RGPD2: variants seen among roughly 807,000 people sequenced by gnomAD.
RGPD2 encodes RANBP2-like and GRIP domain-containing protein 2.
A neutral mutation model predicts 36.0 loss-of-function variants in RGPD2; 2 were observed. That is an observed-to-expected ratio of 0.06 (90% CI 0.02 to 0.17). The LOEUF is 0.17. RGPD2 is among the 10% of genes least tolerant of loss of function. The pLI is 1.00. For missense variants in RGPD2, 40 were observed against 464.3 expected, an observed-to-expected ratio of 0.09 and a Z score of 8.40; for synonymous variants, 19 against 163.8, an observed-to-expected ratio of 0.12 and a Z score of 6.75.
At chr2:87,813,065 A>G (rs1290672579) in intron 4 of RGPD2, among the ~76,000 whole-genome samples, 1 of 152,102 alleles carries the variant, frequency 6.6e-6, no homozygotes, top group African/African-American at 2.4e-5. Flanking sequence ...TTTCAGAAAT[A>G]TACTTCTCCA....
chr2:87,955,478 C>A, the RGPD2 span, among the ~76,000 whole-genome samples: 2 of 33,354 alleles, frequency 6.0e-5, no homozygotes, highest in South Asian at 3.5e-3. Flanking sequence ...TTCTTTTGTA[C>A]GTAACTGACT....
chr2:87,866,379 T>C, the RGPD2 span, among the ~76,000 whole-genome samples: 1 of 152,184 alleles, frequency 6.6e-6, no homozygotes, highest in African/African-American at 2.4e-5. Flanking sequence ...CAGTAACAAA[T>C]TTCCTGATTA....
chr2:87,937,213 C>T, the RGPD2 span, among the ~76,000 whole-genome samples: 1 of 151,656 alleles, frequency 6.6e-6, no homozygotes, highest in East Asian at 1.9e-4. Context: ...AGAGTCAGGT[C>T]AAATGAGACA....
the RGPD2 span, among the ~76,000 whole-genome samples, chr2:87,856,763 T>C: frequency 6.6e-6 from 1 of 152,192 alleles, no homozygotes; most frequent in Non-Finnish European, 1.5e-5. Flanking sequence ...AAATACCAGA[T>C]AGCTATGTAT....
At chr2:87,826,381 T>TG (rs1462309748), upstream of RGPD2, among the ~76,000 whole-genome samples, 24 of 109,504 alleles carry the variant, frequency 2.2e-4, no homozygotes, top group East Asian at 5.3e-3. Flanking sequence ...ATAGCTTCAA[T>TG]GGGAATGATG....
At chr2:87,864,381 C>T in the RGPD2 span, among the ~76,000 whole-genome samples, 1 of 152,388 alleles carries the variant, frequency 6.6e-6, no homozygotes, top group African/African-American at 2.4e-5. Context: ...CCTCTGGTCA[C>T]TGGGCCTTCA....
chr2:87,825,420 GCCGCCGCCGCCGCCGCCGCCGCCCGGCC>G (rs1686684049), intron 1 of RGPD2, among the ~76,000 whole-genome samples: 2 of 102,126 alleles, frequency 2.0e-5, no homozygotes, highest in Non-Finnish European at 4.2e-5. Context: ...GGCCGAGGCC[GCCGCCGCCGCCGCCGCCGCCGCCCGGCC>G]AGGCCGAGGC....
the RGPD2 span, among the ~76,000 whole-genome samples, chr2:87,936,334 A>T: frequency 1.5e-4 from 23 of 151,142 alleles, no homozygotes; most frequent in Admixed American, 2.6e-4. Flanking sequence ...TTCTAATGGT[A>T]TTAAAAACTT....
At chr2:87,837,094 C>G in the RGPD2 span, among the ~76,000 whole-genome samples, 7 of 151,956 alleles carry the variant, frequency 4.6e-5, no homozygotes, top group African/African-American at 1.7e-4. Context: ...TTCTTAGAGA[C>G]ACACAAATAG....
intron 4 of RGPD2, among the ~76,000 whole-genome samples, chr2:87,813,072 T>A (rs1387425823): frequency 6.6e-6 from 1 of 152,136 alleles, no homozygotes; most frequent in South Asian, 2.1e-4. Flanking sequence ...AATATACTTC[T>A]CCACCACATG....
At chr2:87,825,448 C>CG (rs1553430567) in intron 1 of RGPD2, among the ~76,000 whole-genome samples, 6 of 109,188 alleles carry the variant, frequency 5.5e-5, no homozygotes, top group South Asian at 5.4e-4. Context: ...GCCGCCCGGC[C>CG]AGGCCGAGGC....
chr2:87,875,957 G>A, the RGPD2 span, among the ~76,000 whole-genome samples: 37 of 151,800 alleles, frequency 2.4e-4, no homozygotes, highest in Admixed American at 2.4e-3. Context: ...TATGTGTGCA[G>A]GAATTTATCC....
chr2:87,857,567 C>A, the RGPD2 span, among the ~76,000 whole-genome samples: 5 of 150,726 alleles, frequency 3.3e-5, no homozygotes, highest in South Asian at 8.5e-4. Flanking sequence ...TGGTCTCGAT[C>A]TCCTGACCTT....
At chr2:87,877,332 G>A in the RGPD2 span, among the ~76,000 whole-genome samples, 72 of 152,328 alleles carry the variant, frequency 4.7e-4, no homozygotes, top group South Asian at 7.7e-3. Flanking sequence ...TTTTTGTAGT[G>A]TTTGGTAATG....
At chr2:87,903,466 T>C in the RGPD2 span, among the ~76,000 whole-genome samples, 1,172 of 152,342 alleles carry the variant, frequency 7.7e-3, 1 homozygote, top group South Asian at 0.023. Flanking sequence ...TCATCTCATG[T>C]CCTTAGCAAA....
At chr2:87,870,224 G>C in the RGPD2 span, among the ~76,000 whole-genome samples, 1 of 152,258 alleles carries the variant, frequency 6.6e-6, no homozygotes, top group Non-Finnish European at 1.5e-5. Flanking sequence ...CCAGGGCCAG[G>C]GCTAGCCAAT....
chr2:87,853,747 A>G, the RGPD2 span, among the ~76,000 whole-genome samples: 9 of 151,596 alleles, frequency 5.9e-5, no homozygotes, highest in Non-Finnish European at 1.3e-4. Flanking sequence ...CTTGAATTGT[A>G]TGTATTTCTC....
chr2:87,974,006 A>T, the RGPD2 span, among the ~76,000 whole-genome samples: 1 of 152,202 alleles, frequency 6.6e-6, no homozygotes, highest in Non-Finnish European at 1.5e-5. Context: ...TAAAAAACTG[A>T]AGCAGGGTCA....
At chr2:87,985,319 T>A in the RGPD2 span, among the ~76,000 whole-genome samples, 1 of 150,830 alleles carries the variant, frequency 6.6e-6, no homozygotes, top group African/African-American at 2.4e-5. Flanking sequence ...AAAAAGACAA[T>A]CTTATCTTCA....
Sources: allele counts gnomAD v4.1 joint callset (sites outside exome capture counted in the v4.1 genomes callset), GRCh38; gene constraint gnomAD v4.1.1; transcripts MANE v1.5; gene names NCBI Gene and HGNC (gene_info 2026-07-23, HGNC 2026-07-21).